HCN3: variants seen among roughly 807,000 people sequenced by gnomAD.
HCN3 encodes the protein potassium/sodium hyperpolarization-activated cyclic nucleotide-gated channel 3.
HCN3 carries 36 observed loss-of-function variants against 56.8 expected under a neutral mutation model. The observed-to-expected ratio is 0.63, with a 90% confidence interval of 0.49 to 0.84. HCN3 has a LOEUF of 0.84. Among genes scored for constraint, HCN3 ranks in the 40% least tolerant of loss-of-function variants. The pLI is 0.00. For synonymous variants in HCN3, 425 were observed against 439.7 expected (o/e 0.97, Z 0.42); for missense variants, 930 against 1,079.3 (o/e 0.86, Z 1.94).
Position 155,282,962 on chromosome 1 carries a change from G to A in HCN3, c.708+122G>A. 2.9e-6 allele frequency: 3 copies of A among 1,025,100 alleles called. No individual in the cohort carries two copies. Among genetic ancestry groups the A allele is most frequent in the Non-Finnish European group, 4.2e-6 (3 of 714,600 alleles). The allele number at this position is 1,025,100 out of a possible 1,614,324, so 63.5% of individuals were successfully genotyped here. ...GTGGGGCTCCTGGTGACCTTATAGTGTGGGGAAGATGGGTGGGGCTTCCGT... is the reference window on the plus strand; with the variant it reads ...GTGGGGCTCCTGGTGACCTTATAGTATGGGGAAGATGGGTGGGGCTTCCGT... On this transcript the variant is annotated intron_variant, in intron 2 of 7. Coordinates refer to ENST00000368358, the MANE Select transcript of HCN3 (RefSeq NM_020897.3). This position sits in a 1 kb window ranked among gnomAD's most constrained non-coding sequence, Gnocchi z 4.7.
In HCN3 at chr1:155,287,824, T is replaced by TC; in HGVS notation, c.1688dup (p.Gly564ArgfsTer15). On this transcript the variant is annotated frameshift_variant, in exon 8 of 8. Coordinates refer to ENST00000368358, the MANE Select transcript of HCN3 (RefSeq NM_020897.3). LOFTEE classifies it high-confidence loss of function. ...TGCAGCGGAAGCGCTCCGAGCCAAG[T>TC]CCAGGCAGCAGTGGTGGCATCATGG... 1 of 1,608,482 alleles carries TC rather than the reference T, an allele frequency of 6.2e-7. No individual in the cohort carries two copies. Among genetic ancestry groups the TC allele is most frequent in the Non-Finnish European group, 8.5e-7 (1 of 1,176,064 alleles).
In HCN3 at chr1:155,284,464, G is replaced by A; in HGVS notation, c.871-75G>A. The A allele has an allele frequency of 6.9e-7, 1 of 1,446,514 alleles. No individual in the cohort carries two copies. The highest frequency in any genetic ancestry group is 2.3e-5 in the East Asian group (1 of 42,876). 89.6% of individuals were successfully genotyped at this position (1,446,514 alleles called of 1,614,324 possible). ...AGAAGGGGCAGACAGAAAGACCAAA[G>A]AAGGAAAAGGGGCAGGCAGAGAATG... On this transcript the variant is annotated intron_variant, in intron 3 of 7. Transcript: ENST00000368358. This position sits in a 1 kb window ranked among gnomAD's most constrained non-coding sequence, Gnocchi z 4.3.
chr1:155,280,532 G>A (rs1452762396), intron 1 of HCN3, among the ~76,000 whole-genome samples: 1 of 151,474 alleles, frequency 6.6e-6, no homozygotes, highest in Non-Finnish European at 1.5e-5. Flanking sequence ...CGCCTCCCGG[G>A]TTCACGCCAT....
chr1:155,287,680 C>T, intron 7 of HCN3, 101 bp from the exon 8 acceptor site: 1 of 1,474,734 alleles, frequency 6.8e-7, no homozygotes, highest in Non-Finnish European at 9.1e-7. Context: ...CCCCTACCCT[C>T]AACCCCACCC....
Position 155,284,236 on chromosome 1 carries a change from C to A in HCN3, c.870+101C>A. The A allele has an allele frequency of 1.4e-6, 2 of 1,391,504 alleles. No homozygotes were observed. Among genetic ancestry groups the A allele is most frequent in the Non-Finnish European group, 2.0e-6 (2 of 1,010,714 alleles). 86.2% of individuals were successfully genotyped at this position (1,391,504 alleles called of 1,614,324 possible). A position where few individuals can be genotyped will look rare whatever the true frequency, so the allele number is the denominator to read the frequency against. Reference sequence around the variant, plus strand: ...GGGAGCAGGAGGTGGGAGATGATCACAACAGAAAATAGGAGCGAGGAGGTG... The same window carrying A: ...GGGAGCAGGAGGTGGGAGATGATCAAAACAGAAAATAGGAGCGAGGAGGTG... On this transcript the variant is annotated intron_variant, in intron 3 of 7. Transcript: ENST00000368358. This position sits in a 1 kb window ranked among gnomAD's most constrained non-coding sequence, Gnocchi z 4.3.
At chr1:155,277,939 G>C in intron 1 of HCN3, 71 bp downstream of exon 1, 2 of 1,521,038 alleles carry the variant, frequency 1.3e-6, no homozygotes, top group South Asian at 1.2e-5. Flanking sequence ...CCGGGACCCG[G>C]CCCGCCCCAC....
chr1:155,287,337 G>T lies in HCN3; in HGVS notation c.1642G>T (p.Gly548Cys). 1 of 1,613,626 alleles carries T rather than the reference G, an allele frequency of 6.2e-7. No individual in the cohort carries two copies. The highest frequency in any genetic ancestry group is 8.5e-7 in the Non-Finnish European group (1 of 1,179,880). Residue 548 changes from glycine (G) to cysteine (C), a missense_variant and splice_region_variant, in exon 7 of 8, where the codon GGC (glycine) becomes TGC (cysteine). By Grantham distance (159) the Gly-to-Cys change is radical. Coordinates refer to ENST00000368358, the MANE Select transcript of HCN3 (RefSeq NM_020897.3). ...TVAMDRLLRI[G>C]KKNSILQRKR... ...GGCCATGGATCGGCTGCTCCGCATC[G>T]GTGAGACCTGTCCACCCCATCTGCT...
Position 155,285,768 on chromosome 1 carries a change from G to C in HCN3, c.1281G>C (p.Pro427=). ...GTCGGGGCCTGGTGGCCCACATGCC[G>C]CTGTTTGCCCATGCCGACCCCAGCT... The part of the protein sequence containing the change: ...FTCRGLVAHM[P]LFAHADPSFV... The change falls in exon 6 of 8, where the codon CCG becomes CCC. Residue 427 remains proline, a synonymous_variant. Coordinates refer to ENST00000368358, the MANE Select transcript of HCN3 (RefSeq NM_020897.3). The surrounding 1 kb of genome is among the most constrained non-coding windows in gnomAD (Gnocchi z 4.5). 2 of 1,614,176 alleles carry C rather than the reference G, an allele frequency of 1.2e-6. No individual in the cohort carries two copies. Among genetic ancestry groups the C allele is most frequent in the Non-Finnish European group, 1.7e-6 (2 of 1,180,020 alleles).
At chr1:155,278,680 T>A (rs568261967) in intron 1 of HCN3, among the ~76,000 whole-genome samples, 4 of 152,318 alleles carry the variant, frequency 2.6e-5, no homozygotes, top group African/African-American at 7.2e-5. Context: ...GAGGTGTGAA[T>A]CTGGAGCCTC....
At position 155,285,770 on chromosome 1, in the gene HCN3, T is replaced by A; in HGVS notation, c.1283T>A (p.Leu428Gln). The A allele has an allele frequency of 6.2e-7, 1 of 1,614,154 alleles. No individual in the cohort carries two copies. The highest frequency in any genetic ancestry group is 8.5e-7 in the Non-Finnish European group (1 of 1,180,032). Residue 428 changes from leucine to glutamine, a missense_variant, in exon 6 of 8, where the codon CTG becomes CAG. Transcript: ENST00000368358. This position sits in a 1 kb window ranked among gnomAD's most constrained non-coding sequence, Gnocchi z 4.5. ...TCRGLVAHMP[L>Q]FAHADPSFVT... Reference sequence around the variant, plus strand: ...CGGGGCCTGGTGGCCCACATGCCGCTGTTTGCCCATGCCGACCCCAGCTTC... The same window carrying A: ...CGGGGCCTGGTGGCCCACATGCCGCAGTTTGCCCATGCCGACCCCAGCTTC...
Position 155,282,506 on chromosome 1 carries a change from C to T in HCN3, c.374C>T (p.Pro125Leu). 1.2e-6 allele frequency: 2 copies of T among 1,614,256 alleles called. No individual in the cohort carries two copies. The highest frequency in any genetic ancestry group is 1.7e-5 in the Admixed American group (1 of 60,032). ...TTCTTCAAGGAGGAGAACTCCCCGC[C>T]TTGGATCGTCTTCAACGTATTGTCT... ...ITFFKEENSPPWIVFNVLSDT... is the reference protein window; with the variant it reads ...ITFFKEENSPLWIVFNVLSDT... Residue 125 changes from proline to leucine, a missense_variant, in exon 2 of 8, where the codon CCT becomes CTT. Coordinates refer to ENST00000368358, the MANE Select transcript of HCN3 (RefSeq NM_020897.3). This position sits in a 1 kb window ranked among gnomAD's most constrained non-coding sequence, Gnocchi z 4.7.
intron 1 of HCN3, chr1:155,278,505 T>A (rs908463875): frequency 1.3e-5 from 2 of 153,122 alleles, no homozygotes; most frequent in African/African-American, 4.9e-5. Context: ...GAACAGAGGG[T>A]GGGGGTGGGG....
chr1:155,281,150 A>G (rs973320629), intron 1 of HCN3, among the ~76,000 whole-genome samples: 10 of 146,166 alleles, frequency 6.8e-5, no homozygotes, highest in African/African-American at 1.0e-4. Flanking sequence ...TGTTCACTGC[A>G]GCCTCCGCCT....
chr1:155,282,269 C>T lies in HCN3; in HGVS notation c.279-142C>T. 1 of 788,984 alleles carries T rather than the reference C, an allele frequency of 1.3e-6. No individual in the cohort carries two copies. The highest frequency in any genetic ancestry group is 2.0e-6 in the Non-Finnish European group (1 of 495,160). 48.9% of individuals were successfully genotyped at this position (788,984 alleles called of 1,614,324 possible). Reference sequence around the variant, plus strand: ...CTATTTTCCCAAATGGTGGTCCCAACTTATACTCCCAACAGCTGTAAACAG... The same window carrying T: ...CTATTTTCCCAAATGGTGGTCCCAATTTATACTCCCAACAGCTGTAAACAG... On this transcript the variant is annotated intron_variant, in intron 1 of 7. Transcript: ENST00000368358. This position sits in a 1 kb window ranked among gnomAD's most constrained non-coding sequence, Gnocchi z 4.7.
chr1:155,277,924 C>A, intron 1 of HCN3, 56 bp downstream of exon 1: 1 of 1,562,230 alleles, frequency 6.4e-7, no homozygotes. Flanking sequence ...TCGCGGGCAG[C>A]GACACCGGGA....
Position 155,284,900 on chromosome 1 carries a change from A to C in HCN3, c.1089+143A>C, listed in dbSNP as rs995654655. 3 of 877,742 alleles carry C rather than the reference A, an allele frequency of 3.4e-6. No individual in the cohort carries two copies. Among genetic ancestry groups the C allele is most frequent in the East Asian group, 5.3e-5 (2 of 37,624 alleles). The allele number at this position is 877,742 out of a possible 1,614,324, so 54.4% of individuals were successfully genotyped here. On this transcript the variant is annotated intron_variant, in intron 4 of 7. Transcript: ENST00000368358. This position sits in a 1 kb window ranked among gnomAD's most constrained non-coding sequence, Gnocchi z 4.3. ...GTGTCCATTTGTTCCCTGCCCCTGCATGTACCTTTTCCTTGTTTGAACCTA... is the reference window on the plus strand; with the variant it reads ...GTGTCCATTTGTTCCCTGCCCCTGCCTGTACCTTTTCCTTGTTTGAACCTA...
Position 155,277,493 on chromosome 1 carries a change from C to T in HCN3, c.-98C>T. On this transcript the variant is annotated 5_prime_UTR_variant, in exon 1 of 8. Coordinates refer to ENST00000368358, the MANE Select transcript of HCN3 (RefSeq NM_020897.3). ...CGAGCCTACGACGCCTCCGCTAGAG[C>T]CCGCGGGGCTGCGCCGACTCCTGCT... 7.2e-7 allele frequency: 1 copy of T among 1,395,928 alleles called. No individual in the cohort carries two copies. The allele number at this position is 1,395,928 out of a possible 1,614,324, so 86.5% of individuals were successfully genotyped here. A position where few individuals can be genotyped will look rare whatever the true frequency, so the allele number is the denominator to read the frequency against.
Position 155,284,239 on chromosome 1 carries a change from C to A in HCN3, c.870+104C>A. 1 of 1,360,332 alleles carries A rather than the reference C, an allele frequency of 7.4e-7. No individual in the cohort carries two copies. The allele number at this position is 1,360,332 out of a possible 1,614,324, so 84.3% of individuals were successfully genotyped here. ...AGCAGGAGGTGGGAGATGATCACAACAGAAAATAGGAGCGAGGAGGTGGGG... is the reference window on the plus strand; with the variant it reads ...AGCAGGAGGTGGGAGATGATCACAAAAGAAAATAGGAGCGAGGAGGTGGGG... On this transcript the variant is annotated intron_variant, in intron 3 of 7. Transcript: ENST00000368358. This position sits in a 1 kb window ranked among gnomAD's most constrained non-coding sequence, Gnocchi z 4.3.
Position 155,284,068 on chromosome 1 carries a change from T to G in HCN3, c.803T>G (p.Leu268Arg). 6.2e-7 allele frequency: 1 copy of G among 1,614,194 alleles called. No homozygotes were observed. Among genetic ancestry groups the G allele is most frequent in the Non-Finnish European group, 8.5e-7 (1 of 1,180,014 alleles). ...MLLLCHWDGCLQFLVPMLQDF... is the reference protein window; with the variant it reads ...MLLLCHWDGCRQFLVPMLQDF... ...CTGCTATGTCACTGGGATGGCTGTC[T>G]GCAGTTCCTGGTGCCCATGCTGCAG... The change falls in exon 3 of 8, where the codon CTG becomes CGG. Residue 268 changes from leucine to arginine, a missense_variant. Leu to Arg is a moderately radical substitution (Grantham distance 102). Coordinates refer to ENST00000368358, the MANE Select transcript of HCN3 (RefSeq NM_020897.3). This position sits in a 1 kb window ranked among gnomAD's most constrained non-coding sequence, Gnocchi z 4.3.
Sources: gnomAD v4.1 joint callset for allele counts (sites outside exome capture counted in the v4.1 genomes callset) on GRCh38, gnomAD v4.1.1 for gene constraint, Gnocchi (gnomAD v3.1) non-coding constraint, MANE v1.5 for transcripts, NCBI Gene and HGNC (gene_info 2026-07-23, HGNC 2026-07-21) for gene names.